Variants in GCLM observed in about 807,000 individuals in gnomAD.
The protein encoded by GCLM is glutamate-cysteine ligase modifier subunit.
Under a neutral mutation model 36.0 loss-of-function variants are expected in GCLM, and 15 were observed. The ratio of observed to expected loss-of-function variants is 0.42; its 90% CI spans 0.28 to 0.64. The LOEUF is 0.64. GCLM is among the 30% of genes least tolerant of loss of function. The probability of loss-of-function intolerance (pLI) is 0.25; values close to 1 mark genes in which losing one functional copy is unlikely to be tolerated. For missense variants in GCLM, 242 were observed against 325.5 expected (o/e 0.74, Z 1.97); for synonymous variants, 129 against 122.8 (o/e 1.05, Z -0.34).
At chr1:93,907,787 A>G (rs1037393109) in intron 1 of GCLM, among the ~76,000 whole-genome samples, 2 of 152,206 alleles carry the variant, frequency 1.3e-5, no homozygotes, top group African/African-American at 4.8e-5. Flanking sequence ...GATTCCTACT[A>G]AAGTTACAAG....
Position 93,888,769 on chromosome 1 carries a change from T to C in GCLM, c.*221A>G. ...TATTTTCTTTATAGACAATTTCAAT[T>C]AGAAAACAATAGTTTAAGGAAAGCA... On this transcript the variant is annotated 3_prime_UTR_variant, in exon 7 of 7. Coordinates refer to ENST00000370238, the MANE Select transcript of GCLM (RefSeq NM_002061.4). 2 of 352,376 alleles carry C rather than the reference T, an allele frequency of 5.7e-6. No individual in the cohort carries two copies. Among genetic ancestry groups the C allele is most frequent in the East Asian group, 4.3e-5 (1 of 23,134 alleles). The allele number at this position is 352,376 out of a possible 1,614,324, so 21.8% of individuals were successfully genotyped here.
intron 3 of GCLM, among the ~76,000 whole-genome samples, chr1:93,900,509 G>C (rs913917317): frequency 4.6e-5 from 7 of 152,172 alleles, no homozygotes; most frequent in African/African-American, 1.7e-4. Flanking sequence ...GCATACCTGA[G>C]TGGATTCCTG....
At chr1:93,894,871 T>A (rs1484786388) in intron 5 of GCLM, 143 bp from the exon 6 acceptor site, 5 of 580,690 alleles carry the variant, frequency 8.6e-6, no homozygotes, top group Non-Finnish European at 1.5e-5. Context: ...AAAATACTTT[T>A]ACATTAATAT....
At chr1:93,902,604 A>AT (rs1333987364) in intron 2 of GCLM, among the ~76,000 whole-genome samples, 1 of 151,824 alleles carries the variant, frequency 6.6e-6, no homozygotes, top group Non-Finnish European at 1.5e-5. Flanking sequence ...AGCCTCCCCC[A>AT]TTATCAACAT....
chr1:93,909,221 G>T lies in GCLM; in HGVS notation c.-58C>A, dbSNP rs1276047703. The T allele has an allele frequency of 2.6e-6, 3 of 1,133,310 alleles. No homozygotes were observed. The highest frequency in any genetic ancestry group is 4.9e-5 in the Admixed American group (1 of 20,542). The allele number at this position is 1,133,310 out of a possible 1,614,324, so 70.2% of individuals were successfully genotyped here. On this transcript the variant is annotated 5_prime_UTR_variant, in exon 1 of 7. Coordinates refer to ENST00000370238, the MANE Select transcript of GCLM (RefSeq NM_002061.4). The stretch of plus-strand genomic sequence containing the variant: ...GGGCTGCGGGCGGGCGGGCAGGCAG[G>T]CGGCCGCCCCACAGGACGCGGTGCC...
chr1:93,892,853 A>G (rs929774868), intron 6 of GCLM, among the ~76,000 whole-genome samples: 7 of 152,106 alleles, frequency 4.6e-5, no homozygotes, highest in Admixed American at 4.6e-4. Context: ...TACAGGCTGG[A>G]TCATCAGCTG....
At chr1:93,908,452 T>C (rs991568073) in intron 1 of GCLM, among the ~76,000 whole-genome samples, 3 of 152,230 alleles carry the variant, frequency 2.0e-5, no homozygotes, top group Non-Finnish European at 4.4e-5. Flanking sequence ...GAATGTGTAC[T>C]GATAAAGCAT....
chr1:93,890,098 T>C (rs1571195182), intron 6 of GCLM, among the ~76,000 whole-genome samples: 1 of 151,976 alleles, frequency 6.6e-6, no homozygotes, highest in East Asian at 1.9e-4. Context: ...TTAGTAGAGA[T>C]GGGGTTTCAC....
At chr1:93,903,877 A>G (rs1657050904) in intron 2 of GCLM, among the ~76,000 whole-genome samples, 1 of 152,184 alleles carries the variant, frequency 6.6e-6, no homozygotes, top group Non-Finnish European at 1.5e-5. Flanking sequence ...TAAGTAGAAT[A>G]AACAGTCATT....
rs1656290298 is a variant in GCLM, at chr1:93,886,117, A to C, written c.*2873T>G. On this transcript the variant is annotated 3_prime_UTR_variant, in exon 7 of 7. Transcript: ENST00000370238. ...ACTACAGTTTCATGGATGGGAATTC[A>C]AGATAGACTCATAACAGAACAAATT... 6.6e-6 allele frequency: 1 copy of C among 152,192 alleles called. No individual in the cohort carries two copies. The highest frequency in any genetic ancestry group is 2.4e-5 in the African/African-American group (1 of 41,456). 9.4% of individuals were successfully genotyped at this position (152,192 alleles called of 1,614,324 possible).
chr1:93,889,446 A>C (rs899910429), intron 6 of GCLM, among the ~76,000 whole-genome samples: 1 of 151,838 alleles, frequency 6.6e-6, no homozygotes, highest in African/African-American at 2.4e-5. Flanking sequence ...AGGTGATTCT[A>C]ATGTATAGTC....
At position 93,889,080 on chromosome 1, in the gene GCLM, C is replaced by G. The variant is rs79501187; in HGVS notation, c.735G>C (p.Leu245=). The G allele has an allele frequency of 6.0e-4, 962 of 1,602,894 alleles. 3 individuals carry two copies. In the African/African-American group the frequency reaches 9.0e-3, roughly 15 times the overall value. The part of the protein sequence containing the change: ...PDIQAHEWVP[L]WLLRYSVIVK... ...CAATGACCGAATACCGCAGTAGCCA[C>G]AGCGGCACCCACTCGTGCGCTTGAA... The change falls in exon 7 of 7, where the codon CTG becomes CTC. Residue 245 remains leucine (L), a synonymous_variant. Coordinates refer to ENST00000370238, the MANE Select transcript of GCLM (RefSeq NM_002061.4).
At chr1:93,896,048 C>T (rs533976792) in intron 5 of GCLM, among the ~76,000 whole-genome samples, 7 of 151,390 alleles carry the variant, frequency 4.6e-5, no homozygotes, top group African/African-American at 9.7e-5. Context: ...CTGCAACCTC[C>T]GCCTCTGAGG....
In GCLM at chr1:93,904,562, C is replaced by G. The variant is rs765656488; in HGVS notation, c.153G>C (p.Leu51Phe). ...EELHDCIQKTLNEWSSQINPD... is the reference protein window; with the variant it reads ...EELHDCIQKTFNEWSSQINPD... ...GGTTGATTTGGGAACTCCATTCATTCAAGGTTTTTTGGATACAATCATGAA... is the reference window on the plus strand; with the variant it reads ...GGTTGATTTGGGAACTCCATTCATTGAAGGTTTTTTGGATACAATCATGAA... Residue 51 changes from leucine (L) to phenylalanine (F), a missense_variant, in exon 2 of 7, where the codon TTG (leucine) becomes TTC (phenylalanine). Leu to Phe is a conservative substitution (Grantham distance 22). Transcript: ENST00000370238. 2 of 1,612,074 alleles carry G rather than the reference C, an allele frequency of 1.2e-6. No homozygotes were observed. The highest frequency in any genetic ancestry group is 1.1e-5 in the South Asian group (1 of 91,024).
In GCLM at chr1:93,889,170, CAACAACA is replaced by C; in HGVS notation, c.656-18_656-12del. 6.5e-7 allele frequency: 1 copy of C among 1,536,642 alleles called. No individual in the cohort carries two copies. ...CTTCAGAAAGCAGTTCTAAAAGAAA[CAACAACA>C]AACAAAACTCCAGCGTGTTAAATTG... On this transcript the variant is annotated splice_polypyrimidine_tract_variant and intron_variant, in intron 6 of 6. Coordinates refer to ENST00000370238, the MANE Select transcript of GCLM (RefSeq NM_002061.4).
chr1:93,903,691 T>C (rs1234291322), intron 2 of GCLM, among the ~76,000 whole-genome samples: 1 of 152,186 alleles, frequency 6.6e-6, no homozygotes, highest in Non-Finnish European at 1.5e-5. Context: ...GCTATTTGAA[T>C]GTATTTTAAT....
rs11310647 is a variant in GCLM, at chr1:93,905,606, C to CA, written c.127-1019dup. Reference sequence around the variant, plus strand: ...TATCTTCCATGTTTTCTTAGATAAACAAAAAAAAATTTATACAAATATTAT... The same window carrying CA: ...TATCTTCCATGTTTTCTTAGATAAACAAAAAAAAAATTTATACAAATATTAT... On this transcript the variant is annotated intron_variant, in intron 1 of 6. Transcript: ENST00000370238. Among the ~76,000 whole-genome samples the CA allele has an allele frequency of 1.0e-3, 157 of 151,120 alleles. 1 individual carries two copies. In the East Asian group the frequency reaches 0.027, roughly 26 times the overall value.
intron 4 of GCLM, 128 bp downstream of exon 4, chr1:93,897,711 G>C: frequency 1.7e-6 from 1 of 577,350 alleles, no homozygotes; most frequent in Non-Finnish European, 3.0e-6. Context: ...AACTAAGCTA[G>C]AACTTTAAAA....
At chr1:93,896,196 C>G (rs1368039838) in intron 5 of GCLM, among the ~76,000 whole-genome samples, 1 of 151,956 alleles carries the variant, frequency 6.6e-6, no homozygotes, top group Non-Finnish European at 1.5e-5. Flanking sequence ...CTCCTGACCT[C>G]ATGATCTGCT....
Sources: allele counts gnomAD v4.1 joint callset (sites outside exome capture counted in the v4.1 genomes callset), GRCh38; gene constraint gnomAD v4.1.1; transcripts MANE v1.5; gene names NCBI Gene and HGNC (gene_info 2026-07-23, HGNC 2026-07-21).